The following SKAP2 variants were observed in gnomAD, a reference collection of about 807,000 sequenced individuals.
The protein encoded by SKAP2 is src kinase associated phosphoprotein 2.
Under a neutral mutation model 54.9 loss-of-function variants are expected in SKAP2, and 28 were observed. The observed-to-expected ratio is 0.51, with a 90% confidence interval of 0.38 to 0.70. SKAP2 has a LOEUF of 0.70. Among genes scored for constraint, SKAP2 ranks in the 30% least tolerant of loss-of-function variants. SKAP2 has a pLI of 0.00. For missense variants in SKAP2, 356 were observed against 424.1 expected, an observed-to-expected ratio of 0.84 and a Z score of 1.41; for synonymous variants, 137 against 134.3, an observed-to-expected ratio of 1.02 and a Z score of -0.14.
intron 6 of SKAP2, among the ~76,000 whole-genome samples, chr7:26,736,492 G>T (rs954971257): frequency 6.6e-6 from 1 of 152,196 alleles, no homozygotes; most frequent in East Asian, 1.9e-4. Flanking sequence ...GAAAACTCAT[G>T]AATAATCCAC....
chr7:26,851,290 G>A (rs1049159139), intron 3 of SKAP2, among the ~76,000 whole-genome samples: 6 of 151,146 alleles, frequency 4.0e-5, no homozygotes, highest in Non-Finnish European at 7.4e-5. Context: ...AGCTGGGCAT[G>A]GAGGCAAGCA....
At chr7:26,717,026 C>T (rs993251657) in intron 9 of SKAP2, among the ~76,000 whole-genome samples, 5 of 152,292 alleles carry the variant, frequency 3.3e-5, no homozygotes, top group South Asian at 2.1e-4. Context: ...CACTCCTTTT[C>T]TGGCTGAAGC....
intron 4 of SKAP2, among the ~76,000 whole-genome samples, chr7:26,837,013 G>A (rs6976016): frequency 0.01 from 1,585 of 152,240 alleles, 28 homozygotes; most frequent in African/African-American, 0.036. Context: ...CCATAAAAAA[G>A]GATGAGTTCG....
At chr7:26,674,358 CTATT>C (rs1242855126) in intron 11 of SKAP2, among the ~76,000 whole-genome samples, 9 of 152,040 alleles carry the variant, frequency 5.9e-5, no homozygotes, top group African/African-American at 2.2e-4. Flanking sequence ...AACTAGATAC[CTATT>C]TAAAGTGTAT....
chr7:26,664,709 C>T (rs1031118747), downstream of SKAP2, among the ~76,000 whole-genome samples: 4 of 47,014 alleles, frequency 8.5e-5, no homozygotes, highest in African/African-American at 3.7e-4. Flanking sequence ...TAATGGATAA[C>T]AAAAAAGAAA....
At chr7:26,765,330 T>C (rs1248450439) in intron 4 of SKAP2, among the ~76,000 whole-genome samples, 4 of 151,926 alleles carry the variant, frequency 2.6e-5, no homozygotes, top group East Asian at 1.9e-4. Context: ...TGTTTTTTTT[T>C]CTTGTAAATT....
At chr7:26,811,848 T>C (rs1313845446) in intron 4 of SKAP2, among the ~76,000 whole-genome samples, 1 of 152,206 alleles carries the variant, frequency 6.6e-6, no homozygotes, top group Non-Finnish European at 1.5e-5. Flanking sequence ...TTGCAACTAT[T>C]TGCAAGAGAG....
At chr7:26,798,148 C>T (rs1313635871) in intron 4 of SKAP2, among the ~76,000 whole-genome samples, 1 of 151,748 alleles carries the variant, frequency 6.6e-6, no homozygotes, top group Non-Finnish European at 1.5e-5. Context: ...GTCAAACTCC[C>T]AAAGACCAAG....
intron 6 of SKAP2, among the ~76,000 whole-genome samples, chr7:26,730,703 A>C (rs1416505167): frequency 1.3e-5 from 2 of 152,190 alleles, no homozygotes; most frequent in Admixed American, 1.3e-4. Context: ...TAGATAATGA[A>C]ATCTATTATA....
chr7:26,765,900 C>G (rs138166608), intron 4 of SKAP2, among the ~76,000 whole-genome samples: 44,771 of 151,988 alleles, frequency 0.29, 6,872 homozygotes, highest in Non-Finnish European at 0.33. Flanking sequence ...AGTCAGGTAG[C>G]GTGATGTCTC....
At chr7:26,785,376 T>C (rs1233206444) in intron 4 of SKAP2, among the ~76,000 whole-genome samples, 2 of 151,994 alleles carry the variant, frequency 1.3e-5, no homozygotes, top group Non-Finnish European at 2.9e-5. Context: ...TTAGTAGAGA[T>C]GGGGTTTCAC....
At chr7:26,786,425 G>A (rs1420224577) in intron 4 of SKAP2, among the ~76,000 whole-genome samples, 1 of 152,220 alleles carries the variant, frequency 6.6e-6, no homozygotes, top group Admixed American at 6.5e-5. Context: ...ATGGGATGGA[G>A]AATGATGACA....
Position 26,670,160 on chromosome 7 carries a change from T to C in SKAP2, c.1020A>G (p.Glu340=). The C allele has an allele frequency of 6.3e-7, 1 of 1,579,116 alleles. No individual in the cohort carries two copies. Among genetic ancestry groups the C allele is most frequent in the Non-Finnish European group, 8.7e-7 (1 of 1,148,490 alleles). The change falls in exon 12 of 13, where the codon GAA becomes GAG. Residue 340 remains glutamate (E), a synonymous_variant. Coordinates refer to ENST00000345317, the MANE Select transcript of SKAP2 (RefSeq NM_003930.5). The stretch of plus-strand genomic sequence containing the variant: ...GCACCAAGCCAATGGCTCCCTTCAT[T>C]TCTCCTACCCACCAGCCATATCTAT... ...EYNRYGWWVG[E]MKGAIGLVPK...
chr7:26,817,796 GACAA>G (rs1208522760), intron 4 of SKAP2, among the ~76,000 whole-genome samples: 5 of 152,120 alleles, frequency 3.3e-5, no homozygotes, highest in South Asian at 2.1e-4. Context: ...ACCAATAATA[GACAA>G]ACAGAGAGCC....
intron 3 of SKAP2, among the ~76,000 whole-genome samples, chr7:26,849,219 G>A (rs1562634988): frequency 6.6e-6 from 1 of 152,180 alleles, no homozygotes; most frequent in Admixed American, 6.5e-5. Flanking sequence ...CAGCATGAGT[G>A]AGAAGGTCAA....
the SKAP2 span, among the ~76,000 whole-genome samples, chr7:26,656,030 G>C: frequency 6.6e-6 from 1 of 152,164 alleles, no homozygotes; most frequent in Non-Finnish European, 1.5e-5. Flanking sequence ...TCCCCCCAAA[G>C]ACAGGGGACA....
At chr7:26,704,388 A>G (rs545679601) in intron 9 of SKAP2, among the ~76,000 whole-genome samples, 1 of 152,198 alleles carries the variant, frequency 6.6e-6, no homozygotes, top group Admixed American at 6.5e-5. Flanking sequence ...CAGGAGCCTA[A>G]GAAGATTGAT....
intron 4 of SKAP2, 147 bp downstream of exon 4, chr7:26,843,883 A>G: frequency 1.9e-6 from 1 of 522,708 alleles, no homozygotes; most frequent in Admixed American, 3.0e-5. Flanking sequence ...GAACCACTAG[A>G]GAGAGCTCTT....
At chr7:26,739,839 C>T (rs770378608) in intron 5 of SKAP2, 48 bp downstream of exon 5, 9 of 1,331,506 alleles carry the variant, frequency 6.8e-6, no homozygotes, top group Non-Finnish European at 8.6e-6. Flanking sequence ...CATGTTCTAT[C>T]TAAGGATGAA....
Sources: gnomAD v4.1 joint callset for allele counts (sites outside exome capture counted in the v4.1 genomes callset) on GRCh38, gnomAD v4.1.1 for gene constraint, MANE v1.5 for transcripts, NCBI Gene and HGNC (gene_info 2026-07-23, HGNC 2026-07-21) for gene names.